Variants in LARGE2 observed in about 807,000 individuals in gnomAD.
LARGE2 encodes the protein LARGE xylosyl- and glucuronyltransferase 2.
Under a neutral mutation model 75.3 loss-of-function variants are expected in LARGE2, and 63 were observed. The ratio of observed to expected loss-of-function variants is 0.84; its 90% confidence interval spans 0.68 to 1.03. The LOEUF (loss-of-function observed/expected upper bound fraction) is 1.03, where lower values mean the gene tolerates loss of function less well. Among genes scored for constraint, LARGE2 ranks in the 50% least tolerant of loss-of-function variants. LARGE2 has a pLI of 0.00. For synonymous variants in LARGE2, 428 were observed against 420.1 expected, an observed-to-expected ratio of 1.02 and a Z score of -0.23; for missense variants, 925 against 980.6, an observed-to-expected ratio of 0.94 and a Z score of 0.76.
At position 45,928,685 on chromosome 11, in the gene LARGE2, C is replaced by T; in HGVS notation, c.2006C>T (p.Pro669Leu). 1.9e-6 allele frequency: 3 copies of T among 1,614,156 alleles called. No individual in the cohort carries two copies. Among genetic ancestry groups the T allele is most frequent in the Non-Finnish European group, 2.5e-6 (3 of 1,180,026 alleles). ...TTCACCATCCATCTGCCCCACGCTC[C>T]AAGCCTGGACATCTCCCGCTTCCGC... ...EAFTIHLPHA[P>L]SLDISRFRSS... The change falls in exon 14 of 14, where the codon CCA (proline) becomes CTA (leucine). Residue 669 changes from proline (P) to leucine (L), a missense_variant. Pro to Leu is a moderately conservative substitution (Grantham distance 98). Transcript: ENST00000401752.
At position 45,926,115 on chromosome 11, in the gene LARGE2, G is replaced by A. The variant is rs148388283; in HGVS notation, c.846G>A (p.Glu282=). 82 of 1,571,470 alleles carry A rather than the reference G, an allele frequency of 5.2e-5. No homozygotes were observed. The African/African-American group carries it at 1.1e-3, about 20-fold the overall frequency. Residue 282 remains glutamate (E), a synonymous_variant, in exon 7 of 14, where the codon GAG becomes GAA. Coordinates refer to ENST00000401752, the MANE Select transcript of LARGE2 (RefSeq NM_001300721.2). The part of the protein sequence containing the change: ...EQMWRLTARR[E]LLSLPATSLA... ...TGTGGAGGCTGACAGCCAGGCGGGA[G>A]CTCCTTAGCCTGCCTGCCACCTCAC... is the stretch of plus-strand genomic sequence containing the variant.
chr11:45,927,071 C>T (rs113707841), intron 10 of LARGE2, among the ~76,000 whole-genome samples, 200 bp downstream of exon 10: 115 of 152,294 alleles, frequency 7.6e-4, no homozygotes, highest in African/African-American at 2.5e-3. Context: ...GCCCCTCGGT[C>T]GCTGTGGGAC....
At position 45,924,506 on chromosome 11, in the gene LARGE2, C is replaced by G; in HGVS notation, c.493C>G (p.Pro165Ala). 1 of 1,611,546 alleles carries G rather than the reference C, an allele frequency of 6.2e-7. No individual in the cohort carries two copies. The highest frequency in any genetic ancestry group is 8.5e-7 in the Non-Finnish European group (1 of 1,178,860). ...CATCTCCTGCCTTTCCCCCACACAG[C>G]CCCAGGTCTCCTGGATCCCCAACAA... ...VSFYHADQLK[P>A]QVSWIPNKHY... The change falls in exon 5 of 14, where the codon CCC becomes GCC. Residue 165 changes from proline (P) to alanine (A), a missense_variant and splice_region_variant. Transcript: ENST00000401752.
At chr11:45,923,586 G>C in intron 3 of LARGE2, 31 bp downstream of exon 3, 1 of 1,597,694 alleles carries the variant, frequency 6.3e-7, no homozygotes, top group East Asian at 2.2e-5. Flanking sequence ...AGGAGGGTCA[G>C]GAGTGGGGAA....
At position 45,928,759 on chromosome 11, in the gene LARGE2, C is replaced by T; in HGVS notation, c.2080C>T (p.His694Tyr). 6.2e-7 allele frequency: 1 copy of T among 1,614,096 alleles called. No homozygotes were observed. The highest frequency in any genetic ancestry group is 8.5e-7 in the Non-Finnish European group (1 of 1,180,044). Residue 694 changes from histidine to tyrosine, a missense_variant, in exon 14 of 14, where the codon CAC becomes TAC. Physicochemically the swap from His to Tyr is moderately conservative, Grantham distance 83 (BLOSUM62 2). Around this residue, in one of 3 missense-constraint regions of LARGE2, gnomAD observed 469 missense variants for 503.8 expected, o/e 0.93. Transcript: ENST00000401752. Reference protein sequence around the residue: ...DCLQALKDEFHQDLSRHHGAA... With the variant: ...DCLQALKDEFYQDLSRHHGAA... ...CCTCCAGGCCCTCAAGGACGAATTCCACCAGGACTTGTCCCGCCACCATGG... is the reference window on the plus strand; with the variant it reads ...CCTCCAGGCCCTCAAGGACGAATTCTACCAGGACTTGTCCCGCCACCATGG...
At position 45,927,989 on chromosome 11, in the gene LARGE2, C is replaced by A; in HGVS notation, c.1674C>A (p.Thr558=). ...KAALVVPAFE[T]LRYRFSFPHS... ...CACTGGTGGTGCCGGCATTCGAGAC[C>A]CTGCGCTACCGCTTCAGCTTCCCCC... Residue 558 remains threonine (T), a synonymous_variant, in exon 12 of 14, where the codon ACC becomes ACA. Transcript: ENST00000401752. The A allele has an allele frequency of 6.2e-7, 1 of 1,613,940 alleles. No individual in the cohort carries two copies. Among genetic ancestry groups the A allele is most frequent in the Non-Finnish European group, 8.5e-7 (1 of 1,180,032 alleles).
chr11:45,923,182 C>T lies in LARGE2; in HGVS notation c.285+15C>T, dbSNP rs1174550649. On this transcript the variant is annotated intron_variant, in intron 2 of 13. Coordinates refer to ENST00000401752, the MANE Select transcript of LARGE2 (RefSeq NM_001300721.2). ...CCAAGTGCGAGGTAGGTGCGCGCGG[C>T]CCTGGCGGCGGGAGTCCTGGGGGCG... 3.0e-6 allele frequency: 4 copies of T among 1,327,114 alleles called. No homozygotes were observed. In the African/African-American group the frequency reaches 4.6e-5, roughly 15 times the overall value. The allele number at this position is 1,327,114 out of a possible 1,614,324, so 82.2% of individuals were successfully genotyped here.
chr11:45,928,488 C>T, intron 13 of LARGE2, 116 bp downstream of exon 13: 1 of 1,529,182 alleles, frequency 6.5e-7, no homozygotes, highest in Non-Finnish European at 8.8e-7. Context: ...AAATGTCCCC[C>T]TTCTGTGGAA....
rs752213589 is a variant in LARGE2 at position 45,928,819 on chromosome 11, C to T, written c.2140C>T (p.Gln714Ter). ...CCTCAAATACCTCCCAGCCCTGCAG[C>T]AGCCCCAGAGCCCTGCCCGAGGCTG... ...AALKYLPALQ[Q>*]PQSPARG The change falls in exon 14 of 14, where the codon CAG (glutamine) becomes TAG (stop). Residue 714 changes from glutamine (Q) to a stop codon, truncating the protein, a stop_gained. Transcript: ENST00000401752. LOFTEE classifies it low-confidence loss of function (END_TRUNC). 7.4e-6 allele frequency: 12 copies of T among 1,613,276 alleles called. No homozygotes were observed. The highest frequency in any genetic ancestry group is 9.3e-6 in the Non-Finnish European group (11 of 1,179,960).
In LARGE2 at chr11:45,924,213, C is replaced by T. The variant is rs748666936; in HGVS notation, c.428C>T (p.Thr143Met). The change falls in exon 4 of 14, where the codon ACG becomes ATG. Residue 143 changes from threonine to methionine, a missense_variant. Transcript: ENST00000401752. The stretch of plus-strand genomic sequence containing the variant: ...GCCGTGGCCAGAAACATCCTGGAGA[C>T]GCTCTTCCACACATGGATGGTGCCT... Reference protein sequence around the residue: ...TDAVARNILETLFHTWMVPAV... With the variant: ...TDAVARNILEMLFHTWMVPAV... 5.0e-6 allele frequency: 8 copies of T among 1,613,362 alleles called. No individual in the cohort carries two copies. The highest frequency in any genetic ancestry group is 1.3e-5 in the African/African-American group (1 of 74,890).
chr11:45,925,888 A>C, intron 6 of LARGE2, 151 bp from the exon 7 acceptor site: 1 of 717,508 alleles, frequency 1.4e-6, no homozygotes, highest in Non-Finnish European at 2.3e-6. Flanking sequence ...AAAACAAAAC[A>C]AACAACAACA....
chr11:45,923,366 C>A, intron 2 of LARGE2, 107 bp from the exon 3 acceptor site: 1 of 1,217,386 alleles, frequency 8.2e-7, no homozygotes, highest in Non-Finnish European at 1.2e-6. Flanking sequence ...CTGCTGCCCC[C>A]TCCGCACACT....
intron 2 of LARGE2, 100 bp from the exon 3 acceptor site, chr11:45,923,373 C>T (rs752923825): frequency 2.2e-4 from 281 of 1,261,826 alleles, no homozygotes; most frequent in Non-Finnish European, 2.2e-4. Context: ...CCCCTCCGCA[C>T]ACTGTTCCGG....
At position 45,928,716 on chromosome 11, in the gene LARGE2, C is replaced by G. The variant is rs1014194548; in HGVS notation, c.2037C>G (p.Ser679Arg). Residue 679 changes from serine to arginine, a missense_variant, in exon 14 of 14, where the codon AGC (serine) becomes AGG (arginine). By Grantham distance (110) the Ser-to-Arg change is moderately radical. Coordinates refer to ENST00000401752, the MANE Select transcript of LARGE2 (RefSeq NM_001300721.2). ...PSLDISRFRS[S>R]PTYRDCLQAL... The stretch of plus-strand genomic sequence containing the variant: ...TGGACATCTCCCGCTTCCGCTCCAG[C>G]CCCACCTATCGTGACTGCCTCCAGG... 1 of 1,614,072 alleles carries G rather than the reference C, an allele frequency of 6.2e-7. No individual in the cohort carries two copies. The highest frequency in any genetic ancestry group is 8.5e-7 in the Non-Finnish European group (1 of 1,180,042).
rs759051733 is a variant in LARGE2 at position 45,927,342 on chromosome 11, G to A, written c.1353G>A (p.Arg451=). The A allele has an allele frequency of 6.8e-6, 11 of 1,613,452 alleles. No individual in the cohort carries two copies. The highest frequency in any genetic ancestry group is 8.5e-6 in the Non-Finnish European group (10 of 1,180,008). ...DRLQMLEALC[R]HWPGPMSLAL... ...TGCAGATGTTGGAAGCCCTGTGCAG[G>A]CACTGGCCTGGCCCCATGAGCCTGG... Residue 451 remains arginine, a synonymous_variant, in exon 11 of 14, where the codon AGG becomes AGA. Transcript: ENST00000401752.
chr11:45,922,429 G>A (rs2086948859), upstream of LARGE2, among the ~76,000 whole-genome samples: 2 of 152,076 alleles, frequency 1.3e-5, no homozygotes, highest in South Asian at 2.1e-4. Flanking sequence ...GGCAGGTAGC[G>A]GGGCCCGGGC....
chr11:45,925,124 T>A (rs1290805386), intron 6 of LARGE2, among the ~76,000 whole-genome samples: 1 of 152,176 alleles, frequency 6.6e-6, no homozygotes, highest in Admixed American at 6.5e-5. Context: ...GGGGGATAAT[T>A]TTAACAGCCC....
At chr11:45,923,330 C>A in intron 2 of LARGE2, 143 bp from the exon 3 acceptor site, 1 of 1,089,544 alleles carries the variant, frequency 9.2e-7, no homozygotes, top group East Asian at 2.5e-5. Context: ...GACCTCATTT[C>A]CCCATTTGAA....
rs376236828 is a variant in LARGE2, at chr11:45,926,822, C to T, written c.1276C>T (p.Pro426Ser). The T allele has an allele frequency of 3.0e-5, 48 of 1,610,904 alleles. No individual in the cohort carries two copies. The highest frequency in any genetic ancestry group is 3.9e-5 in the Non-Finnish European group (46 of 1,179,018). Residue 426 changes from proline to serine, a missense_variant, in exon 10 of 14, where the codon CCC (proline) becomes TCC (serine). Around this residue, in one of 3 missense-constraint regions of LARGE2, gnomAD observed 469 missense variants for 503.8 expected, o/e 0.93. Coordinates refer to ENST00000401752, the MANE Select transcript of LARGE2 (RefSeq NM_001300721.2). ...CACTTTCCTGCCCCATGAACCGCCA[C>T]CCCCCCGGCCTCACGATGTCACCCT... Reference protein sequence around the residue: ...HVTFLPHEPPPPRPHDVTLVA... With the variant: ...HVTFLPHEPPSPRPHDVTLVA...
Sources: gnomAD v4.1 joint callset for allele counts (sites outside exome capture counted in the v4.1 genomes callset) on GRCh38, gnomAD v4.1.1 for gene constraint, gnomAD v4.1.1 regional missense constraint, MANE v1.5 for transcripts, NCBI Gene and HGNC (gene_info 2026-07-23, HGNC 2026-07-21) for gene names.